Variants in ASIC2 observed in about 807,000 individuals in gnomAD.
The protein encoded by ASIC2 is acid sensing ion channel subunit 2.
In ASIC2, 25 loss-of-function variants were observed where a neutral mutation model predicts 57.3. The observed-to-expected ratio is 0.44, with a 90% CI of 0.32 to 0.61. The LOEUF is 0.61. Ranked by LOEUF, ASIC2 falls within the 20% of genes least tolerant of loss-of-function variation. ASIC2 has a pLI of 0.06. For synonymous variants in ASIC2, 319 were observed against 307.5 expected (o/e 1.04, Z -0.39); for missense variants, 641 against 738.1 (o/e 0.87, Z 1.52).
chr17:33,620,685 A>T (rs894857112), intron 1 of ASIC2, among the ~76,000 whole-genome samples: 3 of 152,320 alleles, frequency 2.0e-5, no homozygotes, highest in East Asian at 3.9e-4. Flanking sequence ...TTTCATCTGT[A>T]GCCTTCTTGT....
intron 3 of ASIC2, among the ~76,000 whole-genome samples, chr17:33,050,327 C>T (rs146347077): frequency 2.6e-5 from 4 of 152,296 alleles, no homozygotes; most frequent in Non-Finnish European, 4.4e-5. Context: ...GGCATCCCTT[C>T]TCTTGTATGC....
chr17:34,095,393 A>G (rs1192489840), intron 1 of ASIC2, among the ~76,000 whole-genome samples: 2 of 152,014 alleles, frequency 1.3e-5, no homozygotes, highest in Non-Finnish European at 2.9e-5. Context: ...CTACAATATG[A>G]AAGGGTTGAT....
chr17:33,430,365 C>T (rs556890112), intron 1 of ASIC2, among the ~76,000 whole-genome samples: 21 of 152,238 alleles, frequency 1.4e-4, no homozygotes, highest in African/African-American at 4.8e-4. Context: ...CTAGAAGGGG[C>T]AGAGGCATCA....
chr17:33,753,856 C>T (rs1268319411), intron 1 of ASIC2, among the ~76,000 whole-genome samples: 2 of 152,154 alleles, frequency 1.3e-5, no homozygotes, highest in Non-Finnish European at 2.9e-5. Context: ...GAGTCCTTCT[C>T]AGGCCATATT....
At chr17:33,558,193 A>G (rs1161686756) in intron 1 of ASIC2, among the ~76,000 whole-genome samples, 2 of 152,034 alleles carry the variant, frequency 1.3e-5, no homozygotes, top group African/African-American at 4.8e-5. Flanking sequence ...AGATAAAAGA[A>G]AAGACAGCTG....
intron 1 of ASIC2, among the ~76,000 whole-genome samples, chr17:33,898,664 T>C (rs1915163885): frequency 6.6e-6 from 1 of 152,208 alleles, no homozygotes; most frequent in Non-Finnish European, 1.5e-5. Context: ...AGTGTCCTTT[T>C]CCTGCTTCAA....
At chr17:33,719,685 C>T (rs1440559876) in intron 1 of ASIC2, among the ~76,000 whole-genome samples, 4 of 152,178 alleles carry the variant, frequency 2.6e-5, no homozygotes, top group Non-Finnish European at 5.9e-5. Flanking sequence ...CTAGAGGCTG[C>T]AATAAGGCAC....
intron 1 of ASIC2, among the ~76,000 whole-genome samples, chr17:34,029,268 T>G (rs1907495225): frequency 6.6e-6 from 1 of 152,094 alleles, no homozygotes; most frequent in African/African-American, 2.4e-5. Flanking sequence ...TTTTTGTCTG[T>G]TTTCTCTATT....
intron 1 of ASIC2, among the ~76,000 whole-genome samples, chr17:33,872,405 A>G (rs553085845): frequency 6.6e-6 from 1 of 152,308 alleles, no homozygotes; most frequent in Non-Finnish European, 1.5e-5. Context: ...TCAATCATTC[A>G]GTCATTCAAC....
intron 1 of ASIC2, among the ~76,000 whole-genome samples, chr17:33,631,247 A>G (rs1336818881): frequency 6.6e-6 from 1 of 151,624 alleles, no homozygotes; most frequent in Non-Finnish European, 1.5e-5. Flanking sequence ...ACCTGCCTTT[A>G]TGTGGCTGGT....
intron 1 of ASIC2, among the ~76,000 whole-genome samples, chr17:33,499,682 G>A (rs948861187): frequency 9.9e-5 from 15 of 152,230 alleles, no homozygotes; most frequent in African/African-American, 3.6e-4. Flanking sequence ...ATACTGACTG[G>A]TTCTGTGTTG....
intron 1 of ASIC2, among the ~76,000 whole-genome samples, chr17:33,515,556 G>C (rs1391665540): frequency 6.6e-6 from 1 of 152,214 alleles, no homozygotes; most frequent in Non-Finnish European, 1.5e-5. Flanking sequence ...AGTGTTAGCA[G>C]AGTGTCCAGT....
At chr17:33,629,695 G>GA (rs532761066) in intron 1 of ASIC2, among the ~76,000 whole-genome samples, 1 of 152,088 alleles carries the variant, frequency 6.6e-6, no homozygotes, top group Non-Finnish European at 1.5e-5. Flanking sequence ...TCTTTGAACT[G>GA]AAAAAAACTG....
At chr17:33,713,856 G>C (rs1909129790) in intron 1 of ASIC2, among the ~76,000 whole-genome samples, 1 of 152,190 alleles carries the variant, frequency 6.6e-6, no homozygotes. Context: ...TGATAACAAG[G>C]CTTTGAGGGA....
chr17:33,664,512 T>C (rs1017943317), intron 1 of ASIC2, among the ~76,000 whole-genome samples: 2 of 152,186 alleles, frequency 1.3e-5, no homozygotes, highest in South Asian at 4.2e-4. Flanking sequence ...AGAATTCCCA[T>C]TGACATTACT....
intron 3 of ASIC2, among the ~76,000 whole-genome samples, chr17:33,045,350 C>T (rs1226063378): frequency 6.6e-6 from 1 of 152,176 alleles, no homozygotes. Context: ...ACATCTTCAT[C>T]GGGACACAAT....
intron 1 of ASIC2, among the ~76,000 whole-genome samples, chr17:34,088,087 C>A (rs965990639): frequency 6.6e-6 from 1 of 152,242 alleles, no homozygotes; most frequent in African/African-American, 2.4e-5. Flanking sequence ...TGGTGAGGAA[C>A]TGCGTTCCTT....
chr17:34,154,812 C>G (rs1406670337), intron 1 of ASIC2, among the ~76,000 whole-genome samples: 4 of 152,160 alleles, frequency 2.6e-5, no homozygotes, highest in Non-Finnish European at 5.9e-5. Flanking sequence ...AGCTCTCAAT[C>G]CTCCCTAAGG....
chr17:33,778,387 G>A (rs1211050408), intron 1 of ASIC2, among the ~76,000 whole-genome samples: 1 of 152,102 alleles, frequency 6.6e-6, no homozygotes, highest in African/African-American at 2.4e-5. Flanking sequence ...ACCAGGCTTT[G>A]AGAAACACCT....
Sources: allele counts gnomAD v4.1 joint callset (sites outside exome capture counted in the v4.1 genomes callset), GRCh38; gene constraint gnomAD v4.1.1; transcripts MANE v1.5; gene names NCBI Gene and HGNC (gene_info 2026-07-23, HGNC 2026-07-21).